The following SEC24A variants were observed in gnomAD, a reference collection of about 807,000 sequenced individuals.
The protein encoded by SEC24A is SEC24 homolog A, COPII component.
A neutral mutation model predicts 129.4 loss-of-function variants in SEC24A; 93 were observed. The ratio of observed to expected loss-of-function variants is 0.72; its 90% CI spans 0.61 to 0.85. SEC24A has a LOEUF of 0.85. SEC24A is among the 40% of genes least tolerant of loss of function. SEC24A has a pLI of 0.00. For missense variants in SEC24A, 1,264 were observed against 1,307.4 expected (o/e 0.97, Z 0.51); for synonymous variants, 460 against 467.3 (o/e 0.98, Z 0.20).
At chr5:134,717,544 G>A (rs912298797) in intron 19 of SEC24A, among the ~76,000 whole-genome samples, 1 of 152,094 alleles carries the variant, frequency 6.6e-6, no homozygotes, top group Non-Finnish European at 1.5e-5. Context: ...AACAAGATCA[G>A]AAGTTAATTT....
chr5:134,661,475 T>C lies in SEC24A; in HGVS notation c.454T>C (p.Cys152Arg). The C allele has an allele frequency of 6.2e-7, 1 of 1,614,176 alleles. No individual in the cohort carries two copies. The highest frequency in any genetic ancestry group is 1.7e-5 in the Admixed American group (1 of 59,992). Reference protein sequence around the residue: ...YPSTASQTNHCPRASSQPTVS... With the variant: ...YPSTASQTNHRPRASSQPTVS... ...ATCCACAGCCTCACAAACAAACCATTGTCCTCGTGCATCATCCCAACCAAC... is the reference window on the plus strand; with the variant it reads ...ATCCACAGCCTCACAAACAAACCATCGTCCTCGTGCATCATCCCAACCAAC... The change falls in exon 2 of 23, where the codon TGT becomes CGT. Residue 152 changes from cysteine (C) to arginine (R), a missense_variant. Cys to Arg is a radical substitution (Grantham distance 180). Coordinates refer to ENST00000398844, the MANE Select transcript of SEC24A (RefSeq NM_021982.3).
At chr5:134,675,606 T>A (rs1751032467) in intron 6 of SEC24A, among the ~76,000 whole-genome samples, 1 of 152,184 alleles carries the variant, frequency 6.6e-6, no homozygotes, top group East Asian at 1.9e-4. Flanking sequence ...AGCTTAAATG[T>A]ATATGATCAA....
Position 134,690,953 on chromosome 5 carries a change from C to T in SEC24A, c.1724-1649C>T, listed in dbSNP as rs377695349. ...GCAGTCTCTGCCTCCCAGGTTCAAGCGATTCTCATGCCTCAGCCTTCCGAG... is the reference window on the plus strand; with the variant it reads ...GCAGTCTCTGCCTCCCAGGTTCAAGTGATTCTCATGCCTCAGCCTTCCGAG... On this transcript the variant is annotated intron_variant, in intron 11 of 22. Transcript: ENST00000398844. Among the ~76,000 whole-genome samples, 9 of 151,918 alleles carry T rather than the reference C, an allele frequency of 5.9e-5. No homozygotes were observed. The South Asian group carries it at 1.7e-3, about 28-fold the overall frequency.
chr5:134,679,378 C>T (rs1751181925), intron 7 of SEC24A, among the ~76,000 whole-genome samples: 1 of 151,826 alleles, frequency 6.6e-6, no homozygotes, highest in South Asian at 2.1e-4. Flanking sequence ...TTTTTTAAGA[C>T]AACTTTTAAT....
intron 9 of SEC24A, among the ~76,000 whole-genome samples, chr5:134,684,662 G>C (rs1422026383): frequency 6.6e-6 from 1 of 151,288 alleles, no homozygotes; most frequent in Middle Eastern, 3.4e-3. Context: ...GCAGTGAGCC[G>C]AGATTGCGCC....
At chr5:134,721,348 A>C (rs1248766061) in intron 21 of SEC24A, among the ~76,000 whole-genome samples, 1 of 150,580 alleles carries the variant, frequency 6.6e-6, no homozygotes, top group South Asian at 2.1e-4. Flanking sequence ...GCTGATCACG[A>C]GGTCAAGAGA....
At chr5:134,674,485 TG>T in intron 4 of SEC24A, 129 bp from the exon 5 acceptor site, 1 of 695,436 alleles carries the variant, frequency 1.4e-6, no homozygotes, top group East Asian at 2.9e-5. Flanking sequence ...TGCAGTGAGG[TG>T]TGATTGCACC....
chr5:134,669,768 C>T (rs565447060), intron 3 of SEC24A, among the ~76,000 whole-genome samples: 15 of 151,834 alleles, frequency 9.9e-5, no homozygotes, highest in African/African-American at 3.4e-4. Flanking sequence ...TGAGCCACTG[C>T]GCCCGGCCCC....
In SEC24A at chr5:134,693,794, T is replaced by C; in HGVS notation, c.1847T>C (p.Leu616Ser). 1 of 1,614,222 alleles carries C rather than the reference T, an allele frequency of 6.2e-7. No individual in the cohort carries two copies. Among genetic ancestry groups the C allele is most frequent in the Non-Finnish European group, 8.5e-7 (1 of 1,180,034 alleles). Residue 616 changes from leucine (L) to serine (S), a missense_variant, in exon 13 of 23, where the codon TTG (leucine) becomes TCG (serine). Physicochemically the swap from Leu to Ser is moderately radical, Grantham distance 145 (BLOSUM62 -2). Coordinates refer to ENST00000398844, the MANE Select transcript of SEC24A (RefSeq NM_021982.3). ...AAGACTCTGGAGACCCAGAGTGCCT[T>C]GGGTCCTGCACTGCAGGCTGCCTTT... ...FTKTLETQSA[L>S]GPALQAAFKL... is the part of the protein sequence containing the mutation.
Position 134,727,422 on chromosome 5 carries a change from C to T in SEC24A, c.*2328C>T, listed in dbSNP as rs768652458. Reference sequence around the variant, plus strand: ...TAAAATAACATTTCTGTAAGTCTGACATACTAATAGTCACTCAAGCAGTAC... The same window carrying T: ...TAAAATAACATTTCTGTAAGTCTGATATACTAATAGTCACTCAAGCAGTAC... On this transcript the variant is annotated 3_prime_UTR_variant, in exon 23 of 23. Coordinates refer to ENST00000398844, the MANE Select transcript of SEC24A (RefSeq NM_021982.3). 2 of 152,566 alleles carry T rather than the reference C, an allele frequency of 1.3e-5. No homozygotes were observed. The highest frequency in any genetic ancestry group is 6.6e-5 in the Admixed American group (1 of 15,252). 9.5% of individuals were successfully genotyped at this position (152,566 alleles called of 1,614,324 possible). A position where few individuals can be genotyped will look rare whatever the true frequency, so the allele number is the denominator to read the frequency against.
Position 134,727,035 on chromosome 5 carries a change from TTTAG to T in SEC24A, c.*1946_*1949del, listed in dbSNP as rs1304789658. The T allele has an allele frequency of 5.2e-5, 8 of 152,614 alleles. No homozygotes were observed. Among genetic ancestry groups the T allele is most frequent in the African/African-American group, 1.9e-4 (8 of 41,460 alleles). The allele number at this position is 152,614 out of a possible 1,614,324, so 9.5% of individuals were successfully genotyped here. ...TATAACAGGTCATGAAAAACATAAC[TTTAG>T]TTAGGATTCACAATATTTGTTCTCC... is the stretch of plus-strand genomic sequence containing the variant. On this transcript the variant is annotated 3_prime_UTR_variant, in exon 23 of 23. Transcript: ENST00000398844.
chr5:134,655,616 C>T (rs867799061), intron 1 of SEC24A, among the ~76,000 whole-genome samples: 2 of 151,726 alleles, frequency 1.3e-5, no homozygotes, highest in African/African-American at 4.8e-5. Context: ...TGCAGTGAGC[C>T]GAGATCATGA....
At chr5:134,713,147 G>A (rs1241478154) in intron 18 of SEC24A, among the ~76,000 whole-genome samples, 1 of 151,872 alleles carries the variant, frequency 6.6e-6, no homozygotes, top group Non-Finnish European at 1.5e-5. Flanking sequence ...TAGCCAGGAT[G>A]GTCTCGATCT....
At chr5:134,703,682 G>T in intron 15 of SEC24A, 77 bp from the exon 16 acceptor site, 1 of 982,572 alleles carries the variant, frequency 1.0e-6, no homozygotes, top group South Asian at 1.5e-5. Context: ...TTGCCAATCT[G>T]ATAAGTAACT....
intron 2 of SEC24A, among the ~76,000 whole-genome samples, chr5:134,665,349 G>A (rs534012456): frequency 1.9e-4 from 29 of 150,704 alleles, no homozygotes; most frequent in African/African-American, 4.9e-4. Context: ...AGCTGCTGCC[G>A]GAGGCTGAGG....
intron 8 of SEC24A, among the ~76,000 whole-genome samples, chr5:134,680,309 G>A (rs1221033803): frequency 6.6e-6 from 1 of 152,126 alleles, no homozygotes; most frequent in Non-Finnish European, 1.5e-5. Context: ...AAAGATTTGA[G>A]AAATAGAGGA....
intron 21 of SEC24A, among the ~76,000 whole-genome samples, chr5:134,722,743 A>G (rs1201742301): frequency 6.6e-6 from 1 of 152,206 alleles, no homozygotes; most frequent in Non-Finnish European, 1.5e-5. Flanking sequence ...GTCAAGTTGC[A>G]CTGGCATCAC....
At position 134,671,832 on chromosome 5, in the gene SEC24A, G is replaced by A. The variant is rs1433608924; in HGVS notation, c.763G>A (p.Gly255Arg). 1.1e-5 allele frequency: 18 copies of A among 1,603,244 alleles called. No homozygotes were observed. The highest frequency in any genetic ancestry group is 2.2e-5 in the East Asian group (1 of 44,540). Residue 255 changes from glycine (G) to arginine (R), a missense_variant, in exon 4 of 23, where the codon GGA becomes AGA. Gly to Arg is a moderately radical substitution (Grantham distance 125). Transcript: ENST00000398844. The stretch of plus-strand genomic sequence containing the variant: ...AGGTATTACATCAAATACCAATAAC[G>A]GATCTATGGTGGTCCACAGTAGTTA... ...QEGITSNTNN[G>R]SMVVHSSYDE...
intron 20 of SEC24A, 81 bp from the exon 21 acceptor site, chr5:134,720,917 A>T: frequency 4.2e-6 from 3 of 706,616 alleles, no homozygotes; most frequent in East Asian, 5.7e-5. Context: ...TATATATATA[A>T]AATAAAAATA....
Sources: gnomAD v4.1 joint callset for allele counts (sites outside exome capture counted in the v4.1 genomes callset) on GRCh38, gnomAD v4.1.1 for gene constraint, MANE v1.5 for transcripts, NCBI Gene and HGNC (gene_info 2026-07-23, HGNC 2026-07-21) for gene names.